TARS3: variants seen among roughly 807,000 people sequenced by gnomAD.
TARS3 encodes the protein threonine--tRNA ligase 2, cytoplasmic.
A neutral mutation model predicts 103.5 loss-of-function variants in TARS3; 94 were observed. That is an observed-to-expected ratio of 0.91 (90% CI 0.77 to 1.08). The LOEUF is 1.08. Among genes scored for constraint, TARS3 ranks in the 50% least tolerant of loss-of-function variants. TARS3 has a pLI of 0.00. For synonymous variants in TARS3, 416 were observed against 355.4 expected, an observed-to-expected ratio of 1.17 and a Z score of -1.92; for missense variants, 952 against 995.2, an observed-to-expected ratio of 0.96 and a Z score of 0.58.
chr15:101,691,193 C>A (rs1898704091), intron 10 of TARS3, among the ~76,000 whole-genome samples: 1 of 151,992 alleles, frequency 6.6e-6, no homozygotes, highest in South Asian at 2.1e-4. Context: ...CCCGCCTCAG[C>A]CTCCCAAAGT....
At chr15:101,710,990 C>T (rs952025484) in intron 5 of TARS3, among the ~76,000 whole-genome samples, 3 of 152,066 alleles carry the variant, frequency 2.0e-5, no homozygotes, top group South Asian at 4.1e-4. Context: ...AGGAGGTGGA[C>T]GGGGCTGGCT....
intron 3 of TARS3, among the ~76,000 whole-genome samples, chr15:101,715,531 CT>C (rs1412377983): frequency 1.3e-5 from 2 of 152,200 alleles, no homozygotes; most frequent in Non-Finnish European, 2.9e-5. Context: ...TAAATCACTA[CT>C]TATAACATTT....
chr15:101,701,053 G>T, intron 10 of TARS3, 33 bp downstream of exon 10: 1 of 1,343,154 alleles, frequency 7.4e-7, no homozygotes, highest in South Asian at 1.4e-5. Flanking sequence ...AACTGGAATT[G>T]AATAAGAATA....
chr15:101,667,568 T>C (rs956408681), intron 15 of TARS3, among the ~76,000 whole-genome samples: 13 of 141,716 alleles, frequency 9.2e-5, no homozygotes, highest in Non-Finnish European at 1.9e-4. Flanking sequence ...TTTTATATTA[T>C]GGAGATGGCT....
rs775335074 is a variant in TARS3 at position 101,684,256 on chromosome 15, C to T, written c.1488-19G>A. On this transcript the variant is annotated intron_variant, in intron 11 of 18. Coordinates refer to ENST00000335968, the MANE Select transcript of TARS3 (RefSeq NM_152334.3). ...CATTAGACTAGAAAAGATGTGGTAA[C>T]ACACAGCTTTTACACAGCACAGAAA... The T allele has an allele frequency of 1.4e-5, 23 of 1,610,222 alleles. No individual in the cohort carries two copies. The African/African-American group carries it at 2.9e-4, about 21-fold the overall frequency.
At chr15:101,660,920 ACCTCTGTTGG>A (rs1897351239) in intron 16 of TARS3, among the ~76,000 whole-genome samples, 1 of 152,106 alleles carries the variant, frequency 6.6e-6, no homozygotes, top group African/African-American at 2.4e-5. Flanking sequence ...TGGCAATACC[ACCTCTGTTGG>A]CCCATTCTGA....
chr15:101,661,861 A>G, intron 15 of TARS3, 45 bp from the exon 16 acceptor site: 3 of 1,200,804 alleles, frequency 2.5e-6, no homozygotes, highest in Non-Finnish European at 2.4e-6. Context: ...CTAAGATTCA[A>G]TAACTATCTT....
intron 18 of TARS3, among the ~76,000 whole-genome samples, chr15:101,655,002 C>T (rs1019585375): frequency 3.3e-5 from 5 of 151,768 alleles, no homozygotes; most frequent in African/African-American, 9.7e-5. Context: ...ACTGACTGCA[C>T]CTGGCACTAG....
chr15:101,708,998 A>C, intron 5 of TARS3, 88 bp from the exon 6 acceptor site: 1 of 825,046 alleles, frequency 1.2e-6, no homozygotes, highest in South Asian at 1.8e-5. Context: ...GCAGCCATAA[A>C]TTTGAATCTG....
intron 17 of TARS3, among the ~76,000 whole-genome samples, chr15:101,657,559 TTATGA>T (rs1453807464): frequency 6.6e-6 from 1 of 152,208 alleles, no homozygotes; most frequent in Non-Finnish European, 1.5e-5. Flanking sequence ...AAATGAATAA[TTATGA>T]TATGTTTTAA....
chr15:101,714,717 A>G, intron 4 of TARS3, 123 bp downstream of exon 4: 1 of 818,800 alleles, frequency 1.2e-6, no homozygotes, highest in Middle Eastern at 2.8e-4. Context: ...TCAATAATCA[A>G]ATTTTAAATC....
At chr15:101,674,751 G>C (rs370060065) in intron 13 of TARS3, among the ~76,000 whole-genome samples, 211 of 151,654 alleles carry the variant, frequency 1.4e-3, no homozygotes, top group Non-Finnish European at 2.4e-3. Flanking sequence ...CTTGCAGTGA[G>C]CTGAGATCGC....
chr15:101,693,623 A>C (rs771606477), intron 10 of TARS3, among the ~76,000 whole-genome samples: 1 of 152,212 alleles, frequency 6.6e-6, no homozygotes, highest in African/African-American at 2.4e-5. Context: ...AGCAGTTTTC[A>C]TAACTGCCAA....
intron 15 of TARS3, among the ~76,000 whole-genome samples, chr15:101,663,539 A>AT (rs1389890281): frequency 6.6e-6 from 1 of 152,262 alleles, no homozygotes; most frequent in African/African-American, 2.4e-5. Flanking sequence ...ATGGGGATGC[A>AT]TGACTATATT....
chr15:101,704,856 T>C (rs1472482884), intron 7 of TARS3, among the ~76,000 whole-genome samples: 2 of 150,898 alleles, frequency 1.3e-5, no homozygotes, highest in African/African-American at 4.8e-5. Flanking sequence ...TCATTTATTT[T>C]TAAGCTTTAA....
At chr15:101,716,668 A>G (rs1300554159) in intron 3 of TARS3, among the ~76,000 whole-genome samples, 1 of 152,176 alleles carries the variant, frequency 6.6e-6, no homozygotes, top group African/African-American at 2.4e-5. Context: ...TTGAACATAT[A>G]TCTTACTCAA....
chr15:101,723,915 G>A (rs1158780149), intron 1 of TARS3, among the ~76,000 whole-genome samples, 176 bp downstream of exon 1: 2 of 151,478 alleles, frequency 1.3e-5, no homozygotes, highest in African/African-American at 2.4e-5. Flanking sequence ...AAATCCGGCG[G>A]CTCCCCAGGC....
chr15:101,672,485 C>T (rs891793955), intron 13 of TARS3, among the ~76,000 whole-genome samples: 5 of 152,176 alleles, frequency 3.3e-5, no homozygotes, highest in African/African-American at 9.7e-5. Context: ...CTCCCATCAT[C>T]ACCTCCAACA....
At chr15:101,681,498 T>G (rs1179117692) in intron 12 of TARS3, among the ~76,000 whole-genome samples, 2 of 152,264 alleles carry the variant, frequency 1.3e-5, no homozygotes, top group East Asian at 3.8e-4. Flanking sequence ...ATGTATGTAT[T>G]ACTCAGCTTG....
Sources: allele counts gnomAD v4.1 joint callset (sites outside exome capture counted in the v4.1 genomes callset), GRCh38; gene constraint gnomAD v4.1.1; transcripts MANE v1.5; gene names NCBI Gene and HGNC (gene_info 2026-07-23, HGNC 2026-07-21).